The following AACS variants were observed in gnomAD, a reference collection of about 807,000 sequenced individuals.
AACS encodes the protein acetoacetate-CoA ligase.
AACS carries 69 observed loss-of-function variants against 83.1 expected under a neutral mutation model. That is an observed-to-expected ratio of 0.83 (90% CI 0.68 to 1.01). The LOEUF (loss-of-function observed/expected upper bound fraction) is 1.01, where lower values mean the gene tolerates loss of function less well. Among genes scored for constraint, AACS ranks in the 50% least tolerant of loss-of-function variants. The pLI, the probability that AACS is intolerant of heterozygous loss-of-function variation, is 0.00. For synonymous variants in AACS, 333 were observed against 343.4 expected, an observed-to-expected ratio of 0.97 and a Z score of 0.33; for missense variants, 866 against 882.2, an observed-to-expected ratio of 0.98 and a Z score of 0.23.
chr12:125,084,511 G>A (rs950016730), intron 3 of AACS, among the ~76,000 whole-genome samples: 1 of 151,082 alleles, frequency 6.6e-6, no homozygotes, highest in Non-Finnish European at 1.5e-5. Flanking sequence ...TCAAGTGATC[G>A]TCCCATCTCA....
rs117611326 is a variant in AACS, at chr12:125,080,181, G to A, written c.358+3570G>A. 9.9e-3 allele frequency among the ~76,000 whole-genome samples: 1,511 copies of A among 152,262 alleles called. 12 individuals carry two copies. The highest frequency in any genetic ancestry group is 0.048 in the Middle Eastern group (14 of 294). On this transcript the variant is annotated intron_variant, in intron 3 of 17. Transcript: ENST00000316519. ...GGGTGCCAACCCAGTCGCCTCTTTC[G>A]TAATCCTGAGAAGGAGAACGAGAAC...
intron 4 of AACS, among the ~76,000 whole-genome samples, chr12:125,089,274 C>T (rs913314132): frequency 6.6e-6 from 1 of 152,164 alleles, no homozygotes; most frequent in Non-Finnish European, 1.5e-5. Flanking sequence ...TATGGCCCAG[C>T]AGGGGAGTCG....
rs368295254 is a variant in AACS at position 125,142,245 on chromosome 12, G to C, written c.*16G>C. Reference sequence around the variant, plus strand: ...GGGCTTCTGAGTCAGACTGGCTGGCGTGTCACTCAGCCGCACCCGTGTGCA... The same window carrying C: ...GGGCTTCTGAGTCAGACTGGCTGGCCTGTCACTCAGCCGCACCCGTGTGCA... On this transcript the variant is annotated 3_prime_UTR_variant, in exon 18 of 18. Transcript: ENST00000316519. 1.1e-5 allele frequency: 18 copies of C among 1,612,966 alleles called. No individual in the cohort carries two copies. Among genetic ancestry groups the C allele is most frequent in the Non-Finnish European group, 1.5e-5 (18 of 1,179,214 alleles).
chr12:125,118,752 G>C lies in AACS; in HGVS notation c.1108G>C (p.Val370Leu). 1 of 1,614,166 alleles carries C rather than the reference G, an allele frequency of 6.2e-7. No individual in the cohort carries two copies. ...VPTPNVLWDL[V>L]DRIGITVLVT... ...CACGCCCAATGTGCTCTGGGACCTG[G>C]TTGACAGGATAGGGTAGGTACCAAG... The change falls in exon 10 of 18, where the codon GTT (valine) becomes CTT (leucine). Residue 370 changes from valine (V) to leucine (L), a missense_variant. Transcript: ENST00000316519.
At chr12:125,104,359 C>A (rs760302749) in intron 7 of AACS, among the ~76,000 whole-genome samples, 1 of 152,164 alleles carries the variant, frequency 6.6e-6, no homozygotes. Context: ...AAGTGGTAGT[C>A]GGTGCATGGC....
At chr12:125,099,972 G>A (rs999260856) in intron 5 of AACS, among the ~76,000 whole-genome samples, 5 of 152,146 alleles carry the variant, frequency 3.3e-5, no homozygotes, top group African/African-American at 4.8e-5. Flanking sequence ...CACTGTGCCC[G>A]GCCGAAATGC....
chr12:125,066,511 G>A (rs1160630190), intron 1 of AACS, among the ~76,000 whole-genome samples: 2 of 148,422 alleles, frequency 1.3e-5, no homozygotes, highest in Admixed American at 6.7e-5. Context: ...GTGCAATGGC[G>A]AGATCTCGGC....
chr12:125,121,740 T>C (rs1957155580), intron 10 of AACS: 1 of 152,206 alleles, frequency 6.6e-6, no homozygotes. Context: ...AATGGGGCCA[T>C]TGTCTAAGAT....
chr12:125,116,159 T>C (rs80054859), intron 9 of AACS, among the ~76,000 whole-genome samples: 1,566 of 152,246 alleles, frequency 0.01, 32 homozygotes, highest in African/African-American at 0.036. Flanking sequence ...GCTGGGTCCT[T>C]TCTGAAACAT....
chr12:125,096,940 C>T (rs1956621061), intron 5 of AACS, among the ~76,000 whole-genome samples: 1 of 152,008 alleles, frequency 6.6e-6, no homozygotes, highest in Non-Finnish European at 1.5e-5. Context: ...GCTTCTGTCC[C>T]AGTCTCCTGC....
chr12:125,099,998 C>T (rs1956682462), intron 5 of AACS, among the ~76,000 whole-genome samples: 1 of 151,804 alleles, frequency 6.6e-6, no homozygotes, highest in Non-Finnish European at 1.5e-5. Context: ...TTCTTCTTGA[C>T]CAGATTTTTC....
chr12:125,084,974 A>G (rs1326675811), intron 3 of AACS, among the ~76,000 whole-genome samples: 1 of 152,128 alleles, frequency 6.6e-6, no homozygotes, highest in Non-Finnish European at 1.5e-5. Flanking sequence ...TAACCTCTCA[A>G]AGAGCAAGGA....
chr12:125,082,171 AT>A (rs71092271), intron 3 of AACS, among the ~76,000 whole-genome samples: 128,487 of 132,082 alleles, frequency 0.97, 62,523 homozygotes, highest in South Asian at 0.99. Flanking sequence ...GCCCAGCCTG[AT>A]TTTTTTTTTT....
At chr12:125,102,426 C>G in intron 5 of AACS, 1 of 398,048 alleles carries the variant, frequency 2.5e-6, no homozygotes, top group Non-Finnish European at 4.8e-6. Flanking sequence ...TGCCCTTTCT[C>G]TCCCGTGAAA....
At chr12:125,135,682 T>TAGAC (rs1957391420) in intron 16 of AACS, 1 of 152,312 alleles carries the variant, frequency 6.6e-6, no homozygotes, top group African/African-American at 2.4e-5. Context: ...GAAATCCCGA[T>TAGAC]GTCTGATTCC....
chr12:125,081,019 G>A (rs1181973444), intron 3 of AACS, among the ~76,000 whole-genome samples: 1 of 151,324 alleles, frequency 6.6e-6, no homozygotes, highest in African/African-American at 2.4e-5. Flanking sequence ...TTGAGATGGA[G>A]TCTCGTTCTG....
chr12:125,099,972 G>C (rs999260856), intron 5 of AACS, among the ~76,000 whole-genome samples: 1 of 152,146 alleles, frequency 6.6e-6, no homozygotes, highest in Non-Finnish European at 1.5e-5. Context: ...CACTGTGCCC[G>C]GCCGAAATGC....
Position 125,129,062 on chromosome 12 carries a change from G to A in AACS, c.1424-273G>A. 1 of 298,676 alleles carries A rather than the reference G, an allele frequency of 3.3e-6. No homozygotes were observed. Among genetic ancestry groups the A allele is most frequent in the Non-Finnish European group, 6.2e-6 (1 of 160,450 alleles). 18.5% of individuals were successfully genotyped at this position (298,676 alleles called of 1,614,324 possible). A position where few individuals can be genotyped will look rare whatever the true frequency, so the allele number is the denominator to read the frequency against. ...GTGACGACATATGCTATTCAAGGAT[G>A]CGTGTGGATGGAGCAGAAATGTTAA... On this transcript the variant is annotated intron_variant, in intron 13 of 17. Coordinates refer to ENST00000316519, the MANE Select transcript of AACS (RefSeq NM_023928.5). This position sits in a 1 kb window ranked among gnomAD's most constrained non-coding sequence, Gnocchi z 4.3.
intron 16 of AACS, among the ~76,000 whole-genome samples, chr12:125,135,287 G>A (rs888515111): frequency 1.3e-5 from 2 of 152,020 alleles, no homozygotes; most frequent in Non-Finnish European, 2.9e-5. Context: ...TAGAGATGGG[G>A]TTTCACCGTG....
Sources: gnomAD v4.1 joint callset for allele counts (sites outside exome capture counted in the v4.1 genomes callset) on GRCh38, gnomAD v4.1.1 for gene constraint, Gnocchi (gnomAD v3.1) non-coding constraint, MANE v1.5 for transcripts, NCBI Gene and HGNC (gene_info 2026-07-23, HGNC 2026-07-21) for gene names.